ZDHHC11B: variants seen among roughly 807,000 people sequenced by gnomAD.
The protein encoded by ZDHHC11B is probable palmitoyltransferase ZDHHC11B.
In ZDHHC11B, 17 loss-of-function variants were observed where a neutral mutation model predicts 42.3. The observed-to-expected ratio is 0.40, with a 90% CI of 0.27 to 0.60. The LOEUF (loss-of-function observed/expected upper bound fraction) is 0.60. ZDHHC11B is among the 20% of genes least tolerant of loss of function. ZDHHC11B has a pLI of 0.41. For missense variants in ZDHHC11B, 262 were observed against 463.2 expected, an observed-to-expected ratio of 0.57 and a Z score of 3.99; for synonymous variants, 123 against 193.5, an observed-to-expected ratio of 0.64 and a Z score of 3.02.
chr5:761,164 C>T (rs1442721715), intron 4 of ZDHHC11B, among the ~76,000 whole-genome samples: 7 of 151,882 alleles, frequency 4.6e-5, no homozygotes, highest in Non-Finnish European at 8.8e-5. Flanking sequence ...GCCTTGACCA[C>T]GGTCCGATCA....
intron 12 of ZDHHC11B, among the ~76,000 whole-genome samples, chr5:724,839 G>A (rs1211155451): frequency 2.0e-5 from 3 of 147,768 alleles, no homozygotes; most frequent in African/African-American, 5.1e-5. Flanking sequence ...ACCTGGAAGC[G>A]ACCAGGGCTA....
intron 12 of ZDHHC11B, among the ~76,000 whole-genome samples, chr5:729,741 A>G (rs1366773102): frequency 6.6e-6 from 1 of 151,846 alleles, no homozygotes; most frequent in South Asian, 2.1e-4. Context: ...TCAAAATATA[A>G]AGTTAATATA....
chr5:731,060 TG>T (rs1742987309), intron 11 of ZDHHC11B, among the ~76,000 whole-genome samples: 2 of 152,000 alleles, frequency 1.3e-5, no homozygotes, highest in Non-Finnish European at 2.9e-5. Context: ...ACACACATGT[TG>T]TTCTCAGTGC....
chr5:736,878 C>T (rs1180794151), intron 10 of ZDHHC11B, among the ~76,000 whole-genome samples: 29 of 130,304 alleles, frequency 2.2e-4, no homozygotes, highest in Non-Finnish European at 3.9e-4. Flanking sequence ...AGAGCACAAA[C>T]AGACAATCTA....
At chr5:722,871 A>G (rs1359208027) in intron 12 of ZDHHC11B, among the ~76,000 whole-genome samples, 1 of 151,626 alleles carries the variant, frequency 6.6e-6, no homozygotes, top group African/African-American at 2.4e-5. Context: ...GTACTAAGTG[A>G]AAAAGGTGAT....
At chr5:767,653 T>C in intron 2 of ZDHHC11B, 129 bp from the exon 3 acceptor site, 1 of 693,004 alleles carries the variant, frequency 1.4e-6, no homozygotes, top group South Asian at 2.1e-5. Flanking sequence ...CTCACCTCTC[T>C]TGCTCTCCAC....
intron 4 of ZDHHC11B, among the ~76,000 whole-genome samples, chr5:760,095 A>C (rs1734397923): frequency 6.6e-6 from 1 of 151,684 alleles, no homozygotes; most frequent in Non-Finnish European, 1.5e-5. Context: ...CAGAGGGTTC[A>C]CCTACCAGAG....
rs2127062907 is a variant in ZDHHC11B at position 746,140 on chromosome 5, G to A, written c.785-842C>T. Among the ~76,000 whole-genome samples the A allele has an allele frequency of 1.3e-5, 2 of 148,426 alleles. 1 individual carries two copies. The highest frequency in any genetic ancestry group is 4.7e-4 in the South Asian group (2 of 4,250). On this transcript the variant is annotated intron_variant, in intron 8 of 13. Transcript: ENST00000508859. ...TAAAATGGGCTCTGCACCTATTTCA[G>A]CCACGAGCTTCCATGGAGGGGCCAA...
intron 4 of ZDHHC11B, among the ~76,000 whole-genome samples, chr5:760,190 A>T (rs1485030413): frequency 1.3e-5 from 2 of 151,702 alleles, no homozygotes; most frequent in Non-Finnish European, 2.9e-5. Flanking sequence ...GCACATAAGG[A>T]AACAGCCAGG....
intron 4 of ZDHHC11B, among the ~76,000 whole-genome samples, chr5:763,678 G>A (rs540903481): frequency 1.3e-5 from 2 of 151,858 alleles, no homozygotes; most frequent in East Asian, 1.9e-4. Flanking sequence ...CCACGCATCT[G>A]TAGAGACTTG....
At chr5:769,849 A>G (rs1233126072) in intron 1 of ZDHHC11B, among the ~76,000 whole-genome samples, 1 of 151,898 alleles carries the variant, frequency 6.6e-6, no homozygotes, top group Admixed American at 6.6e-5. Flanking sequence ...CGGGATGTGA[A>G]CCCTTCCTGA....
At chr5:743,236 C>T (rs428633) in intron 9 of ZDHHC11B, among the ~76,000 whole-genome samples, 19,514 of 137,654 alleles carry the variant, frequency 0.14, 788 homozygotes, top group African/African-American at 0.31. Flanking sequence ...TCTCTGTCGG[C>T]GCCACACTGT....
At chr5:777,287 C>G (rs1249194885) in intron 1 of ZDHHC11B, among the ~76,000 whole-genome samples, 2 of 151,784 alleles carry the variant, frequency 1.3e-5, no homozygotes. Flanking sequence ...CCGTGGGTTC[C>G]TAGTCTCGCC....
intron 10 of ZDHHC11B, among the ~76,000 whole-genome samples, chr5:739,164 T>C (rs1212193874): frequency 6.6e-6 from 1 of 150,588 alleles, no homozygotes; most frequent in African/African-American, 2.5e-5. Flanking sequence ...TTACAGAGGC[T>C]GGGGCAGGCA....
In ZDHHC11B at chr5:745,237, T is replaced by C; in HGVS notation, c.846A>G (p.Lys282=). The change falls in exon 9 of 14, where the codon AAA becomes AAG. Residue 282 remains lysine, a synonymous_variant. Coordinates refer to ENST00000508859, the MANE Select transcript of ZDHHC11B (RefSeq NM_001351303.2). Reference sequence around the variant, plus strand: ...ATGGATCTTTCCTCACTGCTTGATGTTTTGAACTCTCTTCTTTGCGGGTAT... The same window carrying C: ...ATGGATCTTTCCTCACTGCTTGATGCTTTGAACTCTCTTCTTTGCGGGTAT... ...LINTRKEESS[K]HQAVRKDPYV... The C allele has an allele frequency of 6.2e-7, 1 of 1,608,274 alleles. No individual in the cohort carries two copies. The highest frequency in any genetic ancestry group is 8.5e-7 in the Non-Finnish European group (1 of 1,177,678).
intron 1 of ZDHHC11B, among the ~76,000 whole-genome samples, chr5:776,212 T>C (rs56318319): frequency 0.081 from 11,289 of 140,126 alleles, 341 homozygotes; most frequent in African/African-American, 0.16. Flanking sequence ...ACCCCACTGC[T>C]GGAACGGGAC....
intron 11 of ZDHHC11B, among the ~76,000 whole-genome samples, chr5:731,773 C>A (rs115767786): frequency 6.6e-6 from 1 of 151,622 alleles, no homozygotes; most frequent in African/African-American, 2.4e-5. Context: ...TTGCCTAACA[C>A]AAGACTCCGG....
intron 1 of ZDHHC11B, among the ~76,000 whole-genome samples, chr5:776,156 CTGT>C (rs1212026606): frequency 6.6e-6 from 1 of 151,176 alleles, no homozygotes; most frequent in African/African-American, 2.4e-5. Flanking sequence ...TCCCTGGAGA[CTGT>C]TGTCATTAAA....
At chr5:776,048 C>T (rs752184350) in intron 1 of ZDHHC11B, among the ~76,000 whole-genome samples, 3 of 149,700 alleles carry the variant, frequency 2.0e-5, no homozygotes, top group Non-Finnish European at 3.0e-5. Context: ...GGTGTACTGC[C>T]GCTGGGCTCT....
Sources: gnomAD v4.1 joint callset for allele counts (sites outside exome capture counted in the v4.1 genomes callset) on GRCh38, gnomAD v4.1.1 for gene constraint, MANE v1.5 for transcripts, NCBI Gene and HGNC (gene_info 2026-07-23, HGNC 2026-07-21) for gene names.